ADGRB3: variants seen among roughly 807,000 people sequenced by gnomAD.
The protein encoded by ADGRB3 is adhesion G protein-coupled receptor B3.
A neutral mutation model predicts 193.4 loss-of-function variants in ADGRB3; 37 were observed. That is an observed-to-expected ratio of 0.19 (90% CI 0.15 to 0.25). The LOEUF is 0.25. ADGRB3 is among the 10% of genes least tolerant of loss of function. The probability of loss-of-function intolerance (pLI) is 1.00; values close to 1 mark genes in which losing one functional copy is unlikely to be tolerated. For missense variants in ADGRB3, 1,637 were observed against 1,852.9 expected (o/e 0.88, Z 2.14); for synonymous variants, 690 against 644.2 (o/e 1.07, Z -1.08).
At position 69,235,150 on chromosome 6, in the gene ADGRB3, G is replaced by T. The variant is rs1272046555; in HGVS notation, c.2711+15G>T. On this transcript the variant is annotated intron_variant, in intron 19 of 31. Transcript: ENST00000370598. The stretch of plus-strand genomic sequence containing the variant: ...GCATTATGGAGGTAAGTAATCAATT[G>T]ATAGACCTGAAATGCAATGCTTAGT... 1.3e-6 allele frequency: 2 copies of T among 1,540,914 alleles called. No individual in the cohort carries two copies. Among genetic ancestry groups the T allele is most frequent in the East Asian group, 2.3e-5 (1 of 44,382 alleles).
At chr6:68,840,184 A>G (rs1768123944) in intron 3 of ADGRB3, among the ~76,000 whole-genome samples, 1 of 152,056 alleles carries the variant, frequency 6.6e-6, no homozygotes, top group Non-Finnish European at 1.5e-5. Flanking sequence ...GCTCAGAGCA[A>G]GTGTATTTGG....
chr6:69,194,730 A>T (rs1470561229), intron 17 of ADGRB3, among the ~76,000 whole-genome samples: 3 of 152,104 alleles, frequency 2.0e-5, no homozygotes, highest in Non-Finnish European at 2.9e-5. Context: ...GAGCCTATAG[A>T]GCTTAATGTT....
At chr6:68,890,088 C>T (rs1020538936) in intron 3 of ADGRB3, among the ~76,000 whole-genome samples, 9 of 152,042 alleles carry the variant, frequency 5.9e-5, no homozygotes, top group African/African-American at 1.7e-4. Flanking sequence ...TATGATTACC[C>T]GATGAAGGTA....
intron 20 of ADGRB3, among the ~76,000 whole-genome samples, chr6:69,277,562 G>A (rs73471305): frequency 0.012 from 1,832 of 152,274 alleles, 34 homozygotes; most frequent in African/African-American, 0.04. Context: ...AAGGTGTGCA[G>A]CTGTCATCTC....
chr6:69,133,737 C>T (rs1426060075), intron 17 of ADGRB3, among the ~76,000 whole-genome samples: 2 of 151,260 alleles, frequency 1.3e-5, no homozygotes, highest in Non-Finnish European at 2.9e-5. Context: ...TGTTTGGTTG[C>T]ATGAAAAAGT....
chr6:69,121,373 C>T (rs1057295999), intron 17 of ADGRB3, among the ~76,000 whole-genome samples: 3 of 152,192 alleles, frequency 2.0e-5, no homozygotes, highest in Non-Finnish European at 4.4e-5. Context: ...TTTCTTAGTA[C>T]AGAACAAAAT....
At chr6:69,338,511 G>T (rs1296027842) in intron 24 of ADGRB3, among the ~76,000 whole-genome samples, 2 of 152,196 alleles carry the variant, frequency 1.3e-5, no homozygotes, top group Admixed American at 1.3e-4. Flanking sequence ...GGTTTTCACA[G>T]ATATATATGC....
intron 30 of ADGRB3, among the ~76,000 whole-genome samples, chr6:69,382,149 A>C (rs1249921150): frequency 6.6e-6 from 1 of 151,886 alleles, no homozygotes; most frequent in African/African-American, 2.4e-5. Flanking sequence ...ATATATTTGT[A>C]TCTGTGATTT....
chr6:69,198,712 A>G (rs1182542815), intron 17 of ADGRB3, among the ~76,000 whole-genome samples: 2 of 152,102 alleles, frequency 1.3e-5, no homozygotes, highest in Non-Finnish European at 2.9e-5. Context: ...CAAATCATGT[A>G]GGGCCATATA....
intron 17 of ADGRB3, among the ~76,000 whole-genome samples, chr6:69,148,942 C>T (rs774850859): frequency 7.9e-5 from 12 of 152,034 alleles, no homozygotes; most frequent in Admixed American, 3.9e-4. Context: ...TGTTTATTTT[C>T]TCTTGTTTTT....
At chr6:69,178,902 T>C (rs901465484) in intron 17 of ADGRB3, among the ~76,000 whole-genome samples, 3 of 152,206 alleles carry the variant, frequency 2.0e-5, no homozygotes, top group Admixed American at 2.0e-4. Flanking sequence ...TGATCTTAGA[T>C]AGCCTGGTGA....
intron 17 of ADGRB3, among the ~76,000 whole-genome samples, chr6:69,152,997 A>G (rs766288425): frequency 6.6e-6 from 1 of 152,212 alleles, no homozygotes; most frequent in Non-Finnish European, 1.5e-5. Flanking sequence ...GGAAATGATT[A>G]CAAAACATGT....
intron 11 of ADGRB3, among the ~76,000 whole-genome samples, chr6:69,011,394 A>T (rs1458035950): frequency 6.6e-6 from 1 of 152,002 alleles, no homozygotes; most frequent in African/African-American, 2.4e-5. Context: ...CAAATACTGC[A>T]TGTTCTCACT....
At chr6:68,714,195 C>A (rs1388888453) in intron 3 of ADGRB3, among the ~76,000 whole-genome samples, 1 of 151,722 alleles carries the variant, frequency 6.6e-6, no homozygotes, top group African/African-American at 2.4e-5. Flanking sequence ...AGACTTGAAT[C>A]TCTGATAGCT....
chr6:68,882,013 T>C (rs1765747457), intron 3 of ADGRB3, among the ~76,000 whole-genome samples: 1 of 152,200 alleles, frequency 6.6e-6, no homozygotes, highest in Non-Finnish European at 1.5e-5. Flanking sequence ...TCCTTCCTTG[T>C]ACAGTATTTT....
At chr6:69,147,593 C>G (rs1205093770) in intron 17 of ADGRB3, among the ~76,000 whole-genome samples, 1 of 152,122 alleles carries the variant, frequency 6.6e-6, no homozygotes, top group East Asian at 1.9e-4. Context: ...GAACTACATG[C>G]AGAGAAGAAG....
chr6:69,313,769 A>T (rs1256632591), intron 20 of ADGRB3, among the ~76,000 whole-genome samples: 1 of 151,774 alleles, frequency 6.6e-6, no homozygotes, highest in African/African-American at 2.4e-5. Context: ...ATTGACAGAT[A>T]AAATTGTATG....
At chr6:69,212,121 A>C (rs115081521) in intron 17 of ADGRB3, among the ~76,000 whole-genome samples, 353 of 152,334 alleles carry the variant, frequency 2.3e-3, no homozygotes, top group African/African-American at 8.0e-3. Context: ...AATTTGTAGG[A>C]AATCAAATAA....
chr6:68,639,549 C>G, intron 3 of ADGRB3, 117 bp downstream of exon 3: 1 of 1,321,756 alleles, frequency 7.6e-7, no homozygotes, highest in Non-Finnish European at 1.0e-6. Flanking sequence ...CTTTTTGATT[C>G]ATTTGATTTG....
Sources: allele counts gnomAD v4.1 joint callset (sites outside exome capture counted in the v4.1 genomes callset), GRCh38; gene constraint gnomAD v4.1.1; transcripts MANE v1.5; gene names NCBI Gene and HGNC (gene_info 2026-07-23, HGNC 2026-07-21).